SLC23A2: variants seen among roughly 807,000 people sequenced by gnomAD.
SLC23A2 encodes the protein Na(+)/L-ascorbic acid transporter 2.
Under a neutral mutation model 73.3 loss-of-function variants are expected in SLC23A2, and 36 were observed. That is an observed-to-expected ratio of 0.49 (90% CI 0.38 to 0.65). SLC23A2 has a LOEUF of 0.65. SLC23A2 is among the 30% of genes least tolerant of loss of function. SLC23A2 has a pLI of 0.00. For synonymous variants in SLC23A2, 343 were observed against 327.3 expected (o/e 1.05, Z -0.52); for missense variants, 507 against 841.6 (o/e 0.60, Z 4.92).
upstream of SLC23A2, among the ~76,000 whole-genome samples, chr20:5,001,733 C>A (rs1190929090): frequency 6.6e-6 from 1 of 151,816 alleles, no homozygotes; most frequent in Non-Finnish European, 1.5e-5. Context: ...AGAAAGATCG[C>A]CCCCCTTCGC....
At chr20:4,936,675 G>A (rs1383651223) in intron 2 of SLC23A2, among the ~76,000 whole-genome samples, 1 of 152,170 alleles carries the variant, frequency 6.6e-6, no homozygotes, top group East Asian at 1.9e-4. Flanking sequence ...AACATCCACT[G>A]CAGCAGCAAA....
intron 13 of SLC23A2, among the ~76,000 whole-genome samples, chr20:4,865,019 C>T (rs749230941): frequency 1.3e-5 from 2 of 152,144 alleles, no homozygotes; most frequent in Non-Finnish European, 2.9e-5. Flanking sequence ...TGACCAAGTA[C>T]CTATTATGTT....
chr20:4,963,625 A>C (rs56020546), intron 2 of SLC23A2, among the ~76,000 whole-genome samples: 20,957 of 152,132 alleles, frequency 0.14, 1,791 homozygotes, highest in African/African-American at 0.24. Context: ...AGATGGGTGG[A>C]TCACTTGAGG....
chr20:4,917,048 A>C lies in SLC23A2; in HGVS notation c.109-4070T>G, dbSNP rs569162003. Among the ~76,000 whole-genome samples, 13 of 152,340 alleles carry C rather than the reference A, an allele frequency of 8.5e-5. No individual in the cohort carries two copies. In the South Asian group the frequency reaches 2.7e-3, roughly 32 times the overall value. On this transcript the variant is annotated intron_variant, in intron 3 of 16. Transcript: ENST00000338244. ...AAGCTCACATATTCATTCATTCAAC[A>C]AATTGTGGTTGTATCCCAGGCAATG... is the stretch of plus-strand genomic sequence containing the variant.
intron 1 of SLC23A2, among the ~76,000 whole-genome samples, chr20:4,985,761 G>T (rs796981094): frequency 1.3e-5 from 2 of 152,142 alleles, no homozygotes; most frequent in African/African-American, 4.8e-5. Flanking sequence ...ACCACATATT[G>T]TATGATACCA....
In SLC23A2 at chr20:4,863,119, G is replaced by C. The variant is rs1930044750; in HGVS notation, c.1357-212C>G. On this transcript the variant is annotated intron_variant, in intron 13 of 16. Coordinates refer to ENST00000338244, the MANE Select transcript of SLC23A2 (RefSeq NM_005116.6). This position sits in a 1 kb window ranked among gnomAD's most constrained non-coding sequence, Gnocchi z 4.8. ...TGACACTCCCTGCACTCAGGCCTCA[G>C]GGCTCTACTGCCCTGGCACAGTCAT... Among the ~76,000 whole-genome samples, 1 of 152,150 alleles carries C rather than the reference G, an allele frequency of 6.6e-6. No homozygotes were observed. Among genetic ancestry groups the C allele is most frequent in the Non-Finnish European group, 1.5e-5 (1 of 68,022 alleles).
intron 3 of SLC23A2, among the ~76,000 whole-genome samples, chr20:4,926,206 T>C (rs1172298405): frequency 6.6e-6 from 1 of 152,178 alleles, no homozygotes; most frequent in Non-Finnish European, 1.5e-5. Flanking sequence ...GCCGCTAATA[T>C]CTCCAGACAG....
At chr20:4,961,248 A>AT (rs560718120) in intron 2 of SLC23A2, among the ~76,000 whole-genome samples, 48 of 151,852 alleles carry the variant, frequency 3.2e-4, no homozygotes, top group South Asian at 2.5e-3. Context: ...TGCCCAGCTA[A>AT]TTTTTTGTAT....
rs2087141825 is a variant in SLC23A2, at chr20:4,947,906, C to T, written c.-154-15190G>A. Among the ~76,000 whole-genome samples the T allele has an allele frequency of 6.6e-6, 1 of 152,208 alleles. No individual in the cohort carries two copies. The highest frequency in any genetic ancestry group is 1.5e-5 in the Non-Finnish European group (1 of 68,036). ...TTCTTCTCTTCCAGGTCTCCAGATG[C>T]CTTTTGTCATTTGATGCTCCCCCTG... On this transcript the variant is annotated intron_variant, in intron 2 of 16. Transcript: ENST00000338244. This position sits in a 1 kb window ranked among gnomAD's most constrained non-coding sequence, Gnocchi z 4.4.
rs1000567740 is a variant in SLC23A2 at position 4,862,242 on chromosome 20, T to C, written c.1487-157A>G. On this transcript the variant is annotated intron_variant, in intron 14 of 16. Coordinates refer to ENST00000338244, the MANE Select transcript of SLC23A2 (RefSeq NM_005116.6). The surrounding 1 kb of genome is among the most constrained non-coding windows in gnomAD (Gnocchi z 5.1). ...AAGGGGGACGTGTGGGGTCAGACTG[T>C]AGCCACCCTGCGCTCTGAGCCAAAT... is the stretch of plus-strand genomic sequence containing the variant. Among the ~76,000 whole-genome samples the C allele has an allele frequency of 1.4e-4, 21 of 152,204 alleles. No individual in the cohort carries two copies. The highest frequency in any genetic ancestry group is 2.2e-4 in the Non-Finnish European group (15 of 68,028).
intron 2 of SLC23A2, among the ~76,000 whole-genome samples, chr20:4,936,478 G>T (rs575439482): frequency 6.6e-6 from 1 of 151,974 alleles, no homozygotes; most frequent in Non-Finnish European, 1.5e-5. Context: ...TAAAGAGAGG[G>T]GGTCTCATTA....
rs371294932 is a variant in SLC23A2 at position 4,894,646 on chromosome 20, A to G, written c.482+4909T>C. 1.4e-4 allele frequency among the ~76,000 whole-genome samples: 22 copies of G among 152,200 alleles called. No individual in the cohort carries two copies. The East Asian group carries it at 3.5e-3, about 24-fold the overall frequency. ...GGTAGTTCTATTTAGGTCTTGTGAC[A>G]CAACAGTGGGCAAGGTGATGCCCTC... On this transcript the variant is annotated intron_variant, in intron 6 of 16. Transcript: ENST00000338244.
intron 16 of SLC23A2, among the ~76,000 whole-genome samples, chr20:4,858,700 A>G (rs1427967493): frequency 1.3e-5 from 2 of 152,094 alleles, no homozygotes; most frequent in African/African-American, 4.8e-5. Context: ...CCCACATAAC[A>G]TCCTAGTCTG....
rs189538225 is a variant in SLC23A2 at position 4,988,036 on chromosome 20, C to T, written c.-282+13370G>A. Among the ~76,000 whole-genome samples the T allele has an allele frequency of 6.6e-5, 10 of 151,316 alleles. No homozygotes were observed. In the East Asian group the frequency reaches 1.7e-3, roughly 26 times the overall value. ...AAAGTTGGCCATGCGTGATGGTTCACGCCTGTAATCTCAGCACTTTGGGAG... is the reference window on the plus strand; with the variant it reads ...AAAGTTGGCCATGCGTGATGGTTCATGCCTGTAATCTCAGCACTTTGGGAG... On this transcript the variant is annotated intron_variant, in intron 1 of 16. Transcript: ENST00000338244.
At chr20:4,884,198 T>A (rs1372257506) in intron 8 of SLC23A2, among the ~76,000 whole-genome samples, 2 of 152,192 alleles carry the variant, frequency 1.3e-5, no homozygotes, top group African/African-American at 4.8e-5. Context: ...CCCCAGGACA[T>A]CGACAAGACA....
intron 2 of SLC23A2, among the ~76,000 whole-genome samples, chr20:4,937,362 G>A (rs913995846): frequency 1.3e-5 from 2 of 152,182 alleles, no homozygotes; most frequent in African/African-American, 4.8e-5. Context: ...TTGCAAAAGA[G>A]AGAAAGAGAA....
At position 4,958,365 on chromosome 20, in the gene SLC23A2, G is replaced by A. The variant is rs1457498641; in HGVS notation, c.-155+12428C>T. On this transcript the variant is annotated intron_variant, in intron 2 of 16. Coordinates refer to ENST00000338244, the MANE Select transcript of SLC23A2 (RefSeq NM_005116.6). ...ATTAAATCTTATTTAAAGCCTAGAG[G>A]GGAGGGGGAGAAATCACACCAGTAG... 2.0e-5 allele frequency among the ~76,000 whole-genome samples: 3 copies of A among 152,172 alleles called. No individual in the cohort carries two copies. In the South Asian group the frequency reaches 6.2e-4, roughly 31 times the overall value.
chr20:4,913,987 A>C (rs74991791), intron 3 of SLC23A2, among the ~76,000 whole-genome samples: 3,051 of 152,066 alleles, frequency 0.02, 96 homozygotes, highest in African/African-American at 0.068. Flanking sequence ...ATTTTTACAC[A>C]GAGTAATATC....
At chr20:4,896,428 C>G (rs1478980645) in intron 6 of SLC23A2, among the ~76,000 whole-genome samples, 1 of 151,484 alleles carries the variant, frequency 6.6e-6, no homozygotes, top group Non-Finnish European at 1.5e-5. Context: ...ACAGCAAAAG[C>G]CCCCCTCAGC....
Sources: gnomAD v4.1 joint callset for allele counts (sites outside exome capture counted in the v4.1 genomes callset) on GRCh38, gnomAD v4.1.1 for gene constraint, Gnocchi (gnomAD v3.1) non-coding constraint, MANE v1.5 for transcripts, NCBI Gene and HGNC (gene_info 2026-07-23, HGNC 2026-07-21) for gene names.